Variants in LRCH1 observed in about 807,000 individuals in gnomAD.
LRCH1 encodes the protein leucine rich repeats and calponin homology domain containing 1, also known as leucine-rich repeat and calponin homology domain-containing protein 1.
A neutral mutation model predicts 94.9 loss-of-function variants in LRCH1; 23 were observed. The observed-to-expected ratio is 0.24, with a 90% CI of 0.17 to 0.34. The LOEUF (loss-of-function observed/expected upper bound fraction) is 0.34, where lower values mean the gene tolerates loss of function less well. LRCH1 is among the 10% of genes least tolerant of loss of function. The pLI, the probability that LRCH1 is intolerant of heterozygous loss-of-function variation, is 1.00. For synonymous variants in LRCH1, 364 were observed against 354.9 expected (o/e 1.03, Z -0.29); for missense variants, 790 against 945.9 (o/e 0.84, Z 2.16).
downstream of LRCH1, among the ~76,000 whole-genome samples, chr13:46,745,529 T>C (rs962182114): frequency 8.6e-5 from 13 of 151,902 alleles, no homozygotes; most frequent in Admixed American, 5.9e-4. Flanking sequence ...TATGTGTGTG[T>C]AGAGAATGAA....
At chr13:46,648,996 G>A (rs771381917) in intron 1 of LRCH1, among the ~76,000 whole-genome samples, 2 of 152,196 alleles carry the variant, frequency 1.3e-5, no homozygotes, top group East Asian at 3.9e-4. Flanking sequence ...AAAAAAGGAC[G>A]ATTTTATGTT....
chr13:46,722,600 A>G (rs141016393), intron 16 of LRCH1, among the ~76,000 whole-genome samples: 2 of 152,334 alleles, frequency 1.3e-5, no homozygotes, highest in East Asian at 1.9e-4. Context: ...GAAGCCAGCC[A>G]TGAGCCCTTC....
At chr13:46,705,598 T>G (rs911918800) in intron 13 of LRCH1, 2 of 536,146 alleles carry the variant, frequency 3.7e-6, no homozygotes, top group African/African-American at 3.8e-5. Context: ...CTAAAATACA[T>G]AGGGAATCTG....
chr13:46,747,142 C>T (rs187403053), downstream of LRCH1, among the ~76,000 whole-genome samples: 143 of 152,288 alleles, frequency 9.4e-4, 1 homozygote, highest in South Asian at 1.0e-2. Context: ...CTTCTGTTTA[C>T]TCCTCATCAC....
At position 46,565,277 on chromosome 13, in the gene LRCH1, C is replaced by A. The variant is rs568946507; in HGVS notation, c.307+11574C>A. 2.0e-5 allele frequency among the ~76,000 whole-genome samples: 3 copies of A among 152,290 alleles called. No homozygotes were observed. In the South Asian group the frequency reaches 6.2e-4, roughly 32 times the overall value. ...TTAATAAAATAACATCAGTATCCAG[C>A]AAGCTTGGGTGTACATGCTTTCAGT... On this transcript the variant is annotated intron_variant, in intron 1 of 19. Transcript: ENST00000389797.
intron 1 of LRCH1, among the ~76,000 whole-genome samples, chr13:46,595,617 G>A (rs960039988): frequency 1.3e-5 from 2 of 152,222 alleles, no homozygotes; most frequent in African/African-American, 2.4e-5. Context: ...TGTTTTCAAT[G>A]TAATTTTAGA....
rs368048091 is a variant in LRCH1 at position 46,669,060 on chromosome 13, C to T, written c.483C>T (p.Cys161=). The T allele has an allele frequency of 4.3e-6, 7 of 1,613,826 alleles. No homozygotes were observed. In the African/African-American group the frequency reaches 8.0e-5, roughly 18 times the overall value. ...SRNQLSALPA[C]LCGLPLKVLI... ...ATCAGCTGTCCGCCCTGCCTGCCTG[C>T]CTGTGTGGTCTGCCTCTCAAAGTCT... The change falls in exon 3 of 20, where the codon TGC becomes TGT. Residue 161 remains cysteine (C), a synonymous_variant. Transcript: ENST00000389797.
intron 18 of LRCH1, among the ~76,000 whole-genome samples, chr13:46,750,236 T>C (rs1874071322): frequency 6.6e-6 from 1 of 152,250 alleles, no homozygotes. Flanking sequence ...GTGTATGCTC[T>C]CTGACTGACT....
downstream of LRCH1, among the ~76,000 whole-genome samples, chr13:46,747,122 CT>C (rs1873941937): frequency 6.6e-6 from 1 of 152,150 alleles, no homozygotes; most frequent in Admixed American, 6.5e-5. Flanking sequence ...TGAGGGGTAT[CT>C]TTTTATGTCT....
intron 4 of LRCH1, among the ~76,000 whole-genome samples, chr13:46,685,090 G>A (rs842383): frequency 0.25 from 37,957 of 152,010 alleles, 4,800 homozygotes; most frequent in East Asian, 0.27. Context: ...CAAAAGTTCC[G>A]AGGCCTCGTT....
chr13:46,680,803 A>T (rs1169028137), intron 3 of LRCH1, among the ~76,000 whole-genome samples: 1 of 152,204 alleles, frequency 6.6e-6, no homozygotes, highest in Admixed American at 6.5e-5. Context: ...TAAGCTGGTG[A>T]ACAGCATGAT....
At chr13:46,735,282 C>T (rs145752575) in intron 19 of LRCH1, among the ~76,000 whole-genome samples, 2 of 152,270 alleles carry the variant, frequency 1.3e-5, no homozygotes, top group African/African-American at 4.8e-5. Context: ...TATGTGAACG[C>T]ACTTACATAC....
intron 1 of LRCH1, among the ~76,000 whole-genome samples, chr13:46,627,558 C>T (rs2050964844): frequency 6.6e-6 from 1 of 152,132 alleles, no homozygotes; most frequent in Non-Finnish European, 1.5e-5. Context: ...TATGTCACTG[C>T]CTGCCCTACT....
chr13:46,721,747 T>G (rs1477172718), intron 16 of LRCH1, among the ~76,000 whole-genome samples: 1 of 152,192 alleles, frequency 6.6e-6, no homozygotes, highest in East Asian at 1.9e-4. Context: ...ACAAGCTGAC[T>G]CCTCTCTGAG....
chr13:46,732,485 G>A (rs1390411737), intron 18 of LRCH1, among the ~76,000 whole-genome samples: 1 of 152,148 alleles, frequency 6.6e-6, no homozygotes, highest in African/African-American at 2.4e-5. Flanking sequence ...CTCCCAAAGA[G>A]GGAGAATTAT....
intron 9 of LRCH1, 67 bp from the exon 10 acceptor site, chr13:46,699,269 G>A: frequency 1.7e-6 from 2 of 1,197,808 alleles, no homozygotes; most frequent in Admixed American, 3.4e-5. Context: ...CATGGGCTGG[G>A]CAGGTTTTGG....
intron 2 of LRCH1, among the ~76,000 whole-genome samples, chr13:46,668,639 C>G (rs2051553382): frequency 6.7e-6 from 1 of 150,294 alleles, no homozygotes; most frequent in Admixed American, 6.6e-5. Flanking sequence ...GGGCAGTTGG[C>G]ACCAGCTTCC....
chr13:46,692,966 CTT>C (rs556715797), intron 8 of LRCH1, among the ~76,000 whole-genome samples: 38 of 128,136 alleles, frequency 3.0e-4, no homozygotes, highest in Non-Finnish European at 2.7e-4. Context: ...AGATAAAATT[CTT>C]TTTTTTTTTT....
Position 46,742,328 on chromosome 13 carries a change from AT to A in LRCH1, c.*484del. On this transcript the variant is annotated 3_prime_UTR_variant, in exon 20 of 20. Coordinates refer to ENST00000389797, the MANE Select transcript of LRCH1 (RefSeq NM_001164211.2). Reference sequence around the variant, plus strand: ...CTTGCAGGGAGGACAGAAAACTAACATTTTGGCCCAACTTGATCTATACAAA... The same window carrying A: ...CTTGCAGGGAGGACAGAAAACTAACATTTGGCCCAACTTGATCTATACAAA... The A allele has an allele frequency of 1.0e-6, 1 of 1,002,160 alleles. No homozygotes were observed. Among genetic ancestry groups the A allele is most frequent in the Non-Finnish European group, 1.2e-6 (1 of 839,540 alleles). 62.1% of individuals were successfully genotyped at this position (1,002,160 alleles called of 1,614,324 possible).
Sources: allele counts gnomAD v4.1 joint callset (sites outside exome capture counted in the v4.1 genomes callset), GRCh38; gene constraint gnomAD v4.1.1; transcripts MANE v1.5; gene names NCBI Gene and HGNC (gene_info 2026-07-23, HGNC 2026-07-21).